Variants in GABRG1 observed in about 807,000 individuals in gnomAD.
GABRG1 encodes gamma-aminobutyric acid type A receptor subunit gamma1, also known as gamma-aminobutyric acid receptor subunit gamma-1.
A neutral mutation model predicts 49.8 loss-of-function variants in GABRG1; 49 were observed. The ratio of observed to expected loss-of-function variants is 0.98; its 90% CI spans 0.78 to 1.25. The LOEUF is 1.25. Ranked by LOEUF, GABRG1 falls within the 50% of genes most tolerant of loss-of-function variation. GABRG1 has a pLI of 0.00. For missense variants in GABRG1, 552 were observed against 552.3 expected (o/e 1.00, Z 0.01); for synonymous variants, 232 against 185.1 (o/e 1.25, Z -2.06).
intron 1 of GABRG1, among the ~76,000 whole-genome samples, chr4:46,116,363 C>T (rs567687904): frequency 6.6e-6 from 1 of 150,620 alleles, no homozygotes; most frequent in African/African-American, 2.4e-5. Context: ...TTCATAGTGC[C>T]TGACAGAACA....
intron 1 of GABRG1, among the ~76,000 whole-genome samples, chr4:46,114,030 G>A (rs1364223197): frequency 6.6e-6 from 1 of 150,966 alleles, no homozygotes; most frequent in Non-Finnish European, 1.5e-5. Context: ...ACTGATTTTA[G>A]ACCTAAAATC....
intron 1 of GABRG1, among the ~76,000 whole-genome samples, chr4:46,108,259 G>A (rs942239358): frequency 6.6e-6 from 1 of 150,878 alleles, no homozygotes; most frequent in African/African-American, 2.4e-5. Context: ...GGCCTGTCAG[G>A]GTCAAGCCAA....
Position 46,090,297 on chromosome 4 carries a change from T to A in GABRG1, c.254-6244A>T, listed in dbSNP as rs530826058. Among the ~76,000 whole-genome samples the A allele has an allele frequency of 1.5e-4, 23 of 152,142 alleles. 1 individual carries two copies. The highest frequency in any genetic ancestry group is 3.3e-4 in the Admixed American group (5 of 15,278). The stretch of plus-strand genomic sequence containing the variant: ...ACAGTGATGCTATCACAATTGTATA[T>A]AAAATTTGAGCATTCATAGCTTGAT... On this transcript the variant is annotated intron_variant, in intron 2 of 8. Transcript: ENST00000295452.
At chr4:46,083,736 A>G (rs1362084945) in intron 3 of GABRG1, among the ~76,000 whole-genome samples, 1 of 151,104 alleles carries the variant, frequency 6.6e-6, no homozygotes, top group East Asian at 2.0e-4. Flanking sequence ...TTCTTGGTGG[A>G]TCAGATGATA....
At chr4:46,068,471 T>A (rs1323733728) in intron 3 of GABRG1, among the ~76,000 whole-genome samples, 3 of 152,048 alleles carry the variant, frequency 2.0e-5, no homozygotes, top group Non-Finnish European at 4.4e-5. Context: ...ATTCTGGAAG[T>A]GTTAATCACT....
intron 3 of GABRG1, among the ~76,000 whole-genome samples, chr4:46,074,747 T>A (rs181194369): frequency 3.3e-5 from 5 of 152,206 alleles, no homozygotes; most frequent in Admixed American, 3.3e-4. Context: ...GATATAAAAA[T>A]AACACATTGA....
intron 1 of GABRG1, among the ~76,000 whole-genome samples, chr4:46,097,767 C>A (rs1577662786): frequency 6.6e-6 from 1 of 151,450 alleles, no homozygotes; most frequent in East Asian, 2.0e-4. Context: ...AATAATTAGT[C>A]TGGTAAAATG....
intron 1 of GABRG1, among the ~76,000 whole-genome samples, chr4:46,114,209 A>C (rs1165359620): frequency 6.6e-6 from 1 of 151,122 alleles, no homozygotes; most frequent in African/African-American, 2.4e-5. Context: ...TTATAGATTT[A>C]AACTTTCAGA....
chr4:46,083,417 T>C (rs932207060), intron 3 of GABRG1, among the ~76,000 whole-genome samples: 1 of 151,692 alleles, frequency 6.6e-6, no homozygotes, highest in Admixed American at 6.6e-5. Flanking sequence ...ATGTTTCCTG[T>C]CATTTATCTT....
At chr4:46,110,199 G>T (rs2109440136) in intron 1 of GABRG1, among the ~76,000 whole-genome samples, 1 of 151,160 alleles carries the variant, frequency 6.6e-6, no homozygotes, top group East Asian at 2.0e-4. Flanking sequence ...GTGCTCCAAT[G>T]TTGGGTGCAC....
At chr4:46,076,666 T>C (rs1239036053) in intron 3 of GABRG1, among the ~76,000 whole-genome samples, 3 of 151,464 alleles carry the variant, frequency 2.0e-5, no homozygotes, top group Admixed American at 6.6e-5. Flanking sequence ...TGTCAGAACA[T>C]TGCCCACAAA....
chr4:46,076,891 G>T (rs1719362166), intron 3 of GABRG1, among the ~76,000 whole-genome samples: 1 of 151,434 alleles, frequency 6.6e-6, no homozygotes, highest in Non-Finnish European at 1.5e-5. Flanking sequence ...GAGGTCTAGG[G>T]TGTGTATATA....
chr4:46,062,965 C>T (rs932487321), intron 5 of GABRG1, among the ~76,000 whole-genome samples: 12 of 151,260 alleles, frequency 7.9e-5, no homozygotes, highest in South Asian at 2.1e-4. Context: ...TTACAAGGGA[C>T]GTGAAGGACC....
chr4:46,081,449 C>T (rs1719564200), intron 3 of GABRG1, among the ~76,000 whole-genome samples: 1 of 151,774 alleles, frequency 6.6e-6, no homozygotes, highest in African/African-American at 2.4e-5. Flanking sequence ...GTGCAGACAG[C>T]TGTAAAAGTT....
intron 3 of GABRG1, among the ~76,000 whole-genome samples, chr4:46,076,502 TA>T (rs1287182140): frequency 4.0e-5 from 6 of 150,312 alleles, no homozygotes; most frequent in Non-Finnish European, 7.4e-5. Context: ...AATAAAGGTG[TA>T]AAAAATTAGG....
intron 5 of GABRG1, among the ~76,000 whole-genome samples, chr4:46,062,552 T>C (rs1448323980): frequency 6.6e-6 from 1 of 152,212 alleles, no homozygotes; most frequent in African/African-American, 2.4e-5. Context: ...TTCCTGACTT[T>C]TTAATGATCG....
In GABRG1 at chr4:46,040,102, T is replaced by G. The variant is rs762174204; in HGVS notation, c.*886A>C. 2.0e-5 allele frequency: 3 copies of G among 151,868 alleles called. No homozygotes were observed. The highest frequency in any genetic ancestry group is 4.4e-5 in the Non-Finnish European group (3 of 67,884). 9.4% of individuals were successfully genotyped at this position (151,868 alleles called of 1,614,324 possible). A position where few individuals can be genotyped will look rare whatever the true frequency, so the allele number is the denominator to read the frequency against. Reference sequence around the variant, plus strand: ...CAAGCAATGTTCCTCAATATTTTTATTTTAGGGACTGCAACACTTTCATAA... The same window carrying G: ...CAAGCAATGTTCCTCAATATTTTTAGTTTAGGGACTGCAACACTTTCATAA... On this transcript the variant is annotated 3_prime_UTR_variant, in exon 9 of 9. Coordinates refer to ENST00000295452, the MANE Select transcript of GABRG1 (RefSeq NM_173536.4).
In GABRG1 at chr4:46,097,372, T is replaced by A. The variant is rs371420102; in HGVS notation, c.105-23A>T. 50 of 1,592,272 alleles carry A rather than the reference T, an allele frequency of 3.1e-5. No individual in the cohort carries two copies. The African/African-American group carries it at 4.6e-4, about 15-fold the overall frequency. On this transcript the variant is annotated intron_variant, in intron 1 of 8. Coordinates refer to ENST00000295452, the MANE Select transcript of GABRG1 (RefSeq NM_173536.4). Reference sequence around the variant, plus strand: ...ACACTAAATAATTCAAAGAAAAAAATGGATGGTAGAAGGTTCAATCAAATC... The same window carrying A: ...ACACTAAATAATTCAAAGAAAAAAAAGGATGGTAGAAGGTTCAATCAAATC...
At chr4:46,095,693 G>A (rs1260422309) in intron 2 of GABRG1, among the ~76,000 whole-genome samples, 4 of 151,756 alleles carry the variant, frequency 2.6e-5, no homozygotes, top group African/African-American at 9.7e-5. Context: ...TAGCCACTAT[G>A]TCCTTCAAGT....
Sources: gnomAD v4.1 joint callset for allele counts (sites outside exome capture counted in the v4.1 genomes callset) on GRCh38, gnomAD v4.1.1 for gene constraint, MANE v1.5 for transcripts, NCBI Gene and HGNC (gene_info 2026-07-23, HGNC 2026-07-21) for gene names.